Variants in CNTN4 observed in about 807,000 individuals in gnomAD.
CNTN4 encodes the protein contactin-4.
In CNTN4, 77 loss-of-function variants were observed where a neutral mutation model predicts 122.5. The observed-to-expected ratio is 0.63, with a 90% CI of 0.52 to 0.76. CNTN4 has a LOEUF of 0.76. Among genes scored for constraint, CNTN4 ranks in the 30% least tolerant of loss-of-function variants. CNTN4 has a pLI of 0.00. For synonymous variants in CNTN4, 512 were observed against 447.0 expected, an observed-to-expected ratio of 1.15 and a Z score of -1.83; for missense variants, 1,256 against 1,259.1, an observed-to-expected ratio of 1.00 and a Z score of 0.04.
intron 3 of CNTN4, among the ~76,000 whole-genome samples, chr3:2,568,317 G>GAAAAAA (rs770465722): frequency 2.8e-5 from 2 of 71,040 alleles, no homozygotes; most frequent in East Asian, 5.4e-4. Flanking sequence ...GCAAGAATGT[G>GAAAAAA]AAAAAAAAAA....
At chr3:2,692,367 C>T (rs1409519516) in intron 4 of CNTN4, among the ~76,000 whole-genome samples, 1 of 152,082 alleles carries the variant, frequency 6.6e-6, no homozygotes, top group African/African-American at 2.4e-5. Flanking sequence ...CAATAATTTT[C>T]CTTTTCCTGC....
At chr3:2,480,241 A>G (rs1202393924) in intron 3 of CNTN4, among the ~76,000 whole-genome samples, 2 of 152,200 alleles carry the variant, frequency 1.3e-5, no homozygotes, top group Non-Finnish European at 2.9e-5. Flanking sequence ...ACTGCTTTTC[A>G]GCATCATACT....
intron 2 of CNTN4, among the ~76,000 whole-genome samples, chr3:2,105,803 T>G (rs1395612327): frequency 6.6e-6 from 1 of 152,204 alleles, no homozygotes; most frequent in African/African-American, 2.4e-5. Flanking sequence ...TCTTAACCCA[T>G]TTTGGCATTA....
intron 21 of CNTN4, chr3:3,042,753 G>A (rs997920092): frequency 3.3e-6 from 2 of 602,074 alleles, no homozygotes; most frequent in African/African-American, 1.9e-5. Flanking sequence ...AACGACGGTT[G>A]TGTCAATGTA....
At chr3:2,436,473 G>A (rs1416068994) in intron 3 of CNTN4, among the ~76,000 whole-genome samples, 2 of 152,046 alleles carry the variant, frequency 1.3e-5, no homozygotes, top group African/African-American at 4.8e-5. Context: ...CCATTTAGTA[G>A]GCAAGAGATA....
intron 3 of CNTN4, among the ~76,000 whole-genome samples, chr3:2,368,284 G>A (rs534188234): frequency 4.6e-4 from 70 of 151,982 alleles, no homozygotes; most frequent in Non-Finnish European, 7.2e-4. Context: ...CGCCCGCCTC[G>A]GCCTCCCAAA....
At chr3:2,103,455 A>G (rs767899175) in intron 2 of CNTN4, among the ~76,000 whole-genome samples, 1 of 152,156 alleles carries the variant, frequency 6.6e-6, no homozygotes, top group Non-Finnish European at 1.5e-5. Context: ...TGATAAACAC[A>G]TTTTCAGGGT....
chr3:2,690,674 G>T (rs111570143), intron 4 of CNTN4, among the ~76,000 whole-genome samples: 3,836 of 152,172 alleles, frequency 0.025, 79 homozygotes, highest in Admixed American at 0.065. Flanking sequence ...GCCTATGGGG[G>T]CAAATCCTGA....
chr3:2,280,597 A>G (rs751602832), intron 2 of CNTN4, among the ~76,000 whole-genome samples: 4 of 152,186 alleles, frequency 2.6e-5, no homozygotes, highest in Non-Finnish European at 5.9e-5. Context: ...GTCTTTAGCT[A>G]TTAGCTGCCT....
At chr3:2,855,938 T>A (rs1393346965) in intron 7 of CNTN4, among the ~76,000 whole-genome samples, 1 of 152,184 alleles carries the variant, frequency 6.6e-6, no homozygotes, top group African/African-American at 2.4e-5. Context: ...GTCCAGAGGT[T>A]TTTTTTGTTG....
chr3:2,842,590 A>C (rs549327425), intron 7 of CNTN4, among the ~76,000 whole-genome samples: 1 of 152,290 alleles, frequency 6.6e-6, no homozygotes, highest in African/African-American at 2.4e-5. Flanking sequence ...AGTCATCTCT[A>C]CATCTTCTCT....
chr3:2,895,869 C>T (rs576318631), intron 10 of CNTN4, among the ~76,000 whole-genome samples: 2 of 152,226 alleles, frequency 1.3e-5, no homozygotes, highest in Non-Finnish European at 1.5e-5. Context: ...CCCGTCTCTA[C>T]TAAAAATACA....
intron 6 of CNTN4, among the ~76,000 whole-genome samples, chr3:2,784,984 C>T (rs531146230): frequency 6.6e-6 from 1 of 152,214 alleles, no homozygotes; most frequent in Admixed American, 6.5e-5. Context: ...CTTGGATATA[C>T]TCTGAAAACT....
intron 12 of CNTN4, among the ~76,000 whole-genome samples, chr3:2,922,160 A>C (rs781031435): frequency 6.6e-6 from 1 of 152,212 alleles, no homozygotes; most frequent in Non-Finnish European, 1.5e-5. Flanking sequence ...GCAATTTGAC[A>C]GTTCTGAGCT....
intron 3 of CNTN4, among the ~76,000 whole-genome samples, chr3:2,461,713 C>T (rs1025789592): frequency 4.6e-5 from 7 of 152,210 alleles, no homozygotes; most frequent in South Asian, 4.1e-4. Flanking sequence ...TAAATAACAA[C>T]AGTTAAATCA....
At chr3:2,167,379 A>G (rs1448560568) in intron 2 of CNTN4, among the ~76,000 whole-genome samples, 2 of 152,328 alleles carry the variant, frequency 1.3e-5, no homozygotes, top group Middle Eastern at 3.4e-3. Context: ...CATTATTACA[A>G]TACACTTCAA....
chr3:2,577,127 T>G (rs1220263727), intron 4 of CNTN4, among the ~76,000 whole-genome samples: 2 of 152,202 alleles, frequency 1.3e-5, no homozygotes, highest in African/African-American at 4.8e-5. Context: ...CTCCTTCTAC[T>G]TTTTTCTTCT....
intron 5 of CNTN4, among the ~76,000 whole-genome samples, chr3:2,742,946 T>G (rs2089541073): frequency 6.6e-6 from 1 of 152,216 alleles, no homozygotes; most frequent in Non-Finnish European, 1.5e-5. Context: ...CAACTGCATT[T>G]CGGAGAAAGC....
In CNTN4 at chr3:2,725,735, A is replaced by T. The variant is rs545001409; in HGVS notation, c.56-10480A>T. The stretch of plus-strand genomic sequence containing the variant: ...AGGTTGAAGTACAGACACAAAAATG[A>T]ACAGTAAGTCCACAGAGAGAAGGCT... On this transcript the variant is annotated intron_variant, in intron 4 of 24. Transcript: ENST00000418658. Among the ~76,000 whole-genome samples the T allele has an allele frequency of 2.6e-5, 4 of 152,302 alleles. No homozygotes were observed. In the South Asian group the frequency reaches 8.3e-4, roughly 32 times the overall value.
Sources: allele counts gnomAD v4.1 joint callset (sites outside exome capture counted in the v4.1 genomes callset), GRCh38; gene constraint gnomAD v4.1.1; transcripts MANE v1.5; gene names NCBI Gene and HGNC (gene_info 2026-07-23, HGNC 2026-07-21).